The following DTHD1 variants were observed in gnomAD, a reference collection of about 807,000 sequenced individuals.
The protein encoded by DTHD1 is death domain-containing protein 1.
DTHD1 carries 59 observed loss-of-function variants against 74.8 expected under a neutral mutation model. That is an observed-to-expected ratio of 0.79 (90% CI 0.64 to 0.98). The LOEUF (loss-of-function observed/expected upper bound fraction) is 0.98. Among genes scored for constraint, DTHD1 ranks in the 50% least tolerant of loss-of-function variants. The pLI, the probability that DTHD1 is intolerant of heterozygous loss-of-function variation, is 0.00. For synonymous variants in DTHD1, 365 were observed against 371.1 expected (o/e 0.98, Z 0.19); for missense variants, 1,051 against 1,065.4 (o/e 0.99, Z 0.19).
chr4:36,282,039 C>CT lies in DTHD1; in HGVS notation c.271+18dup, dbSNP rs372438791. On this transcript the variant is annotated intron_variant, in intron 1 of 9. Coordinates refer to ENST00000639862, the MANE Select transcript of DTHD1 (RefSeq NM_001170700.3). Reference sequence around the variant, plus strand: ...TGTGTCTCGAGAAAAGGCAAGTATTCTTTTTTTTAGTTTATTCTTTCTCTA... The same window carrying CT: ...TGTGTCTCGAGAAAAGGCAAGTATTCTTTTTTTTTAGTTTATTCTTTCTCTA... The CT allele has an allele frequency of 1.5e-4, 232 of 1,518,898 alleles. No homozygotes were observed. The African/African-American group carries it at 2.2e-3, about 14-fold the overall frequency. The allele number at this position is 1,518,898 out of a possible 1,614,324, so 94.1% of individuals were successfully genotyped here.
chr4:36,287,894 G>A (rs188280656), intron 2 of DTHD1, among the ~76,000 whole-genome samples: 3 of 152,048 alleles, frequency 2.0e-5, no homozygotes, highest in East Asian at 1.9e-4. Flanking sequence ...GTCCTTTGTC[G>A]GATATATAGA....
intron 9 of DTHD1, among the ~76,000 whole-genome samples, chr4:36,342,918 C>CAAAAAAAAAAAAAAAA (rs55956868): frequency 2.1e-5 from 2 of 96,962 alleles, no homozygotes; most frequent in African/African-American, 3.9e-5. Context: ...ACTAAAAATA[C>CAAAAAAAAAAAAAAAA]AAAAAAAAAA....
chr4:36,307,215 T>C (rs1337482335), intron 6 of DTHD1, among the ~76,000 whole-genome samples: 1 of 152,206 alleles, frequency 6.6e-6, no homozygotes, highest in Non-Finnish European at 1.5e-5. Flanking sequence ...GCTCTAACAA[T>C]GTACCACATA....
At chr4:36,307,822 C>T (rs562784210) in intron 6 of DTHD1, among the ~76,000 whole-genome samples, 53 of 152,274 alleles carry the variant, frequency 3.5e-4, no homozygotes, top group Admixed American at 1.4e-3. Flanking sequence ...ATGACTTCTT[C>T]GTTTAAGAAC....
intron 8 of DTHD1, among the ~76,000 whole-genome samples, chr4:36,321,739 AAGC>A (rs1206259130): frequency 6.6e-6 from 1 of 152,168 alleles, no homozygotes; most frequent in East Asian, 1.9e-4. Context: ...TACTGCCTTA[AAGC>A]ATTAGTCAAA....
intron 2 of DTHD1, among the ~76,000 whole-genome samples, chr4:36,286,293 C>T (rs1755707908): frequency 6.6e-6 from 1 of 152,178 alleles, no homozygotes; most frequent in African/African-American, 2.4e-5. Flanking sequence ...GTTAATGAGT[C>T]ATTGCCTGAA....
intron 7 of DTHD1, among the ~76,000 whole-genome samples, chr4:36,309,046 A>C (rs1413146905): frequency 1.3e-5 from 2 of 152,170 alleles, no homozygotes; most frequent in Non-Finnish European, 2.9e-5. Flanking sequence ...TTTTTATTCC[A>C]TGTATTTTAT....
chr4:36,281,782 A>G lies in DTHD1; in HGVS notation c.24A>G (p.Ser8=), dbSNP rs1200409472. Reference sequence around the variant, plus strand: ...AAATGGATATGGAATACATGGGCTCAGGTAAACTGGGCCAAATATTGAAGC... The same window carrying G: ...AAATGGATATGGAATACATGGGCTCGGGTAAACTGGGCCAAATATTGAAGC... MDMEYMG[S]GKLGQILKQI... Residue 8 remains serine (S), a synonymous_variant, in exon 1 of 10, where the codon TCA becomes TCG. Transcript: ENST00000639862. 2 of 1,239,100 alleles carry G rather than the reference A, an allele frequency of 1.6e-6. No individual in the cohort carries two copies. Among genetic ancestry groups the G allele is most frequent in the African/African-American group, 1.5e-5 (1 of 64,662 alleles). 76.8% of individuals were successfully genotyped at this position (1,239,100 alleles called of 1,614,324 possible).
Position 36,344,041 on chromosome 4 carries a change from T to G in DTHD1, c.*217T>G. The stretch of plus-strand genomic sequence containing the variant: ...CCTCTCTGGTTGAGTGATTATGTTT[T>G]GCAACCATGACTGTCTTGAGTTTGG... On this transcript the variant is annotated 3_prime_UTR_variant, in exon 10 of 10. Transcript: ENST00000639862. 2 of 541,438 alleles carry G rather than the reference T, an allele frequency of 3.7e-6. No homozygotes were observed. The highest frequency in any genetic ancestry group is 6.5e-6 in the Non-Finnish European group (2 of 309,640). 33.5% of individuals were successfully genotyped at this position (541,438 alleles called of 1,614,324 possible). A position where few individuals can be genotyped will look rare whatever the true frequency, so the allele number is the denominator to read the frequency against.
At chr4:36,338,607 G>A (rs989197322) in intron 8 of DTHD1, among the ~76,000 whole-genome samples, 1 of 151,528 alleles carries the variant, frequency 6.6e-6, no homozygotes, top group Non-Finnish European at 1.5e-5. Flanking sequence ...CTGTTCTGCA[G>A]ACTGTGTAGA....
At chr4:36,296,993 AT>A (rs1318959009) in intron 5 of DTHD1, among the ~76,000 whole-genome samples, 2 of 152,220 alleles carry the variant, frequency 1.3e-5, no homozygotes, top group Admixed American at 1.3e-4. Flanking sequence ...TATATGTACT[AT>A]ATACTGCTTC....
Position 36,330,689 on chromosome 4 carries a change from A to G in DTHD1, c.2341-8423A>G, listed in dbSNP as rs966475502. Among the ~76,000 whole-genome samples, 4 of 152,142 alleles carry G rather than the reference A, an allele frequency of 2.6e-5. No individual in the cohort carries two copies. In the East Asian group the frequency reaches 7.7e-4, roughly 29 times the overall value. ...CTAGCCATATTACCTTGGAGAAGTT[A>G]TATCTGTGAAATGGGGATAATAACA... is the stretch of plus-strand genomic sequence containing the variant. On this transcript the variant is annotated intron_variant, in intron 8 of 9. Transcript: ENST00000639862.
chr4:36,304,925 T>C (rs1756958294), intron 5 of DTHD1, among the ~76,000 whole-genome samples: 1 of 152,186 alleles, frequency 6.6e-6, no homozygotes, highest in South Asian at 2.1e-4. Context: ...TGTGACAAGT[T>C]ACAGTCCCTG....
chr4:36,292,866 C>T (rs951409556), intron 3 of DTHD1, among the ~76,000 whole-genome samples: 1 of 152,160 alleles, frequency 6.6e-6, no homozygotes, highest in Admixed American at 6.5e-5. Context: ...ATTTTGTTTT[C>T]ATTTATGTAC....
chr4:36,328,013 G>A (rs573491488), intron 8 of DTHD1, among the ~76,000 whole-genome samples: 28 of 152,036 alleles, frequency 1.8e-4, no homozygotes, highest in Non-Finnish European at 4.0e-4. Context: ...TGTTATGAAA[G>A]AGTGATTTTC....
chr4:36,342,582 T>C (rs181387369), intron 9 of DTHD1, among the ~76,000 whole-genome samples: 19 of 151,956 alleles, frequency 1.3e-4, no homozygotes, highest in Admixed American at 1.2e-3. Context: ...GACGGCCCAG[T>C]GGAAAGTGTT....
At chr4:36,316,162 C>T in intron 7 of DTHD1, 80 bp from the exon 8 acceptor site, 4 of 1,364,906 alleles carry the variant, frequency 2.9e-6, no homozygotes, top group East Asian at 5.1e-5. Flanking sequence ...GTCTCGATCT[C>T]CTGACCTCGT....
chr4:36,310,966 A>G (rs1578463142), intron 7 of DTHD1, among the ~76,000 whole-genome samples: 1 of 152,154 alleles, frequency 6.6e-6, no homozygotes, highest in African/African-American at 2.4e-5. Flanking sequence ...CTCTACTGAG[A>G]CATAGTACTA....
At chr4:36,295,690 A>C (rs1756355908) in intron 5 of DTHD1, among the ~76,000 whole-genome samples, 1 of 152,108 alleles carries the variant, frequency 6.6e-6, no homozygotes, top group Non-Finnish European at 1.5e-5. Flanking sequence ...ATATTAAAGA[A>C]ACCTATTTTA....
Sources: allele counts gnomAD v4.1 joint callset (sites outside exome capture counted in the v4.1 genomes callset), GRCh38; gene constraint gnomAD v4.1.1; transcripts MANE v1.5; gene names NCBI Gene and HGNC (gene_info 2026-07-23, HGNC 2026-07-21).